Variants in AGO2 observed in about 807,000 individuals in gnomAD.
AGO2 encodes the protein argonaute RISC catalytic component 2.
AGO2 carries 5 observed loss-of-function variants against 102.3 expected under a neutral mutation model. The observed-to-expected ratio is 0.05, with a 90% CI of 0.03 to 0.10. The LOEUF (loss-of-function observed/expected upper bound fraction) is 0.10. Among genes scored for constraint, AGO2 ranks in the 10% least tolerant of loss-of-function variants. The pLI is 1.00. For missense variants in AGO2, 541 were observed against 1,183.7 expected, an observed-to-expected ratio of 0.46 and a Z score of 7.97; for synonymous variants, 449 against 473.1, an observed-to-expected ratio of 0.95 and a Z score of 0.66.
intron 11 of AGO2, among the ~76,000 whole-genome samples, chr8:140,550,938 C>T (rs1235940783): frequency 6.6e-6 from 1 of 152,202 alleles, no homozygotes; most frequent in African/African-American, 2.4e-5. Flanking sequence ...TTCTAATTTA[C>T]ACAAATATGG....
chr8:140,563,699 C>T (rs529666763), intron 3 of AGO2, among the ~76,000 whole-genome samples: 1 of 152,248 alleles, frequency 6.6e-6, no homozygotes, highest in Non-Finnish European at 1.5e-5. Flanking sequence ...CCTCTCCTAG[C>T]CTGCCCAGGG....
At chr8:140,573,345 ATT>A (rs908118086) in intron 2 of AGO2, among the ~76,000 whole-genome samples, 3 of 140,394 alleles carry the variant, frequency 2.1e-5, no homozygotes, top group Admixed American at 7.1e-5. Context: ...AATTTTTTGT[ATT>A]TTTTTTTTTT....
intron 16 of AGO2, among the ~76,000 whole-genome samples, chr8:140,538,994 C>G (rs1157019979): frequency 1.3e-5 from 2 of 152,038 alleles, no homozygotes; most frequent in Non-Finnish European, 2.9e-5. Context: ...TCCTAGCTAC[C>G]AGGGAGGCTG....
At chr8:140,568,338 A>G (rs1305241228) in intron 3 of AGO2, among the ~76,000 whole-genome samples, 1 of 151,232 alleles carries the variant, frequency 6.6e-6, no homozygotes, top group Non-Finnish European at 1.5e-5. Flanking sequence ...AGCCAGGGAA[A>G]AGGCACAGAG....
intron 1 of AGO2, among the ~76,000 whole-genome samples, chr8:140,598,902 C>G (rs534140511): frequency 6.6e-6 from 1 of 152,216 alleles, no homozygotes; most frequent in Non-Finnish European, 1.5e-5. Context: ...CCTCCCCATG[C>G]GTTTTCCTGC....
intron 1 of AGO2, among the ~76,000 whole-genome samples, chr8:140,600,678 G>A (rs1407143693): frequency 1.4e-5 from 2 of 140,128 alleles, no homozygotes; most frequent in Admixed American, 6.9e-5. Context: ...GAAACTCCGT[G>A]TCAAAAAAAA....
At position 140,595,994 on chromosome 8, in the gene AGO2, T is replaced by C. The variant is rs931293162; in HGVS notation, c.23-10683A>G. Among the ~76,000 whole-genome samples the C allele has an allele frequency of 8.4e-4, 110 of 130,274 alleles. 2 individuals are homozygous for C. Among genetic ancestry groups the C allele is most frequent in the Non-Finnish European group, 1.5e-3 (96 of 64,014 alleles). The allele number at this position is 130,274 out of a possible 152,430, so 85.5% of individuals were successfully genotyped here. A position where few individuals can be genotyped will look rare whatever the true frequency, so the allele number is the denominator to read the frequency against. On this transcript the variant is annotated intron_variant, in intron 1 of 18. Coordinates refer to ENST00000220592, the MANE Select transcript of AGO2 (RefSeq NM_012154.5). Reference sequence around the variant, plus strand: ...TATATATATTATATAATATATATATTATATATATATACACACACACACATA... The same window carrying C: ...TATATATATTATATAATATATATATCATATATATATACACACACACACATA...
At chr8:140,599,235 T>C (rs2073893655) in intron 1 of AGO2, among the ~76,000 whole-genome samples, 1 of 152,228 alleles carries the variant, frequency 6.6e-6, no homozygotes, top group South Asian at 2.1e-4. Flanking sequence ...AGATGTGCGC[T>C]GAGCGTCCGT....
In AGO2 at chr8:140,628,811, C is replaced by T. The variant is rs538801183; in HGVS notation, c.22+6674G>A. Among the ~76,000 whole-genome samples the T allele has an allele frequency of 1.6e-3, 237 of 145,518 alleles. 2 individuals are homozygous for T. Among genetic ancestry groups the T allele is most frequent in the Middle Eastern group, 8.8e-3 (2 of 228 alleles). On this transcript the variant is annotated intron_variant, in intron 1 of 18. Transcript: ENST00000220592. Reference sequence around the variant, plus strand: ...ACAACAATAATAATAATAGGCCGGGCGCGGTGGCTCACACCTGTAATCCCA... The same window carrying T: ...ACAACAATAATAATAATAGGCCGGGTGCGGTGGCTCACACCTGTAATCCCA...
chr8:140,612,770 G>T (rs976116489), intron 1 of AGO2, among the ~76,000 whole-genome samples: 2 of 151,614 alleles, frequency 1.3e-5, no homozygotes, highest in African/African-American at 4.9e-5. Context: ...AAAACAAAAT[G>T]AAACTACTGT....
At chr8:140,603,999 G>C (rs1055515310) in intron 1 of AGO2, among the ~76,000 whole-genome samples, 4 of 152,232 alleles carry the variant, frequency 2.6e-5, no homozygotes, top group Admixed American at 6.5e-5. Context: ...GCTGCATGGA[G>C]TGGTCCCATC....
At chr8:140,612,965 C>T (rs760237043) in intron 1 of AGO2, among the ~76,000 whole-genome samples, 13 of 151,852 alleles carry the variant, frequency 8.6e-5, no homozygotes, top group East Asian at 3.9e-4. Context: ...TTTGGGAGGC[C>T]GAGGTGGGCA....
At chr8:140,561,263 T>C (rs980210718) in intron 4 of AGO2, among the ~76,000 whole-genome samples, 2 of 152,244 alleles carry the variant, frequency 1.3e-5, no homozygotes, top group Non-Finnish European at 2.9e-5. Context: ...GAAAACACGC[T>C]GTGAGCCTCG....
intron 1 of AGO2, among the ~76,000 whole-genome samples, chr8:140,607,660 T>C (rs2074022060): frequency 6.6e-6 from 1 of 151,858 alleles, no homozygotes; most frequent in Admixed American, 6.6e-5. Flanking sequence ...CTTTAGAGCA[T>C]TGTTAGGCGA....
chr8:140,627,505 G>A (rs1301635014), intron 1 of AGO2, among the ~76,000 whole-genome samples: 3 of 152,314 alleles, frequency 2.0e-5, no homozygotes, highest in Middle Eastern at 6.8e-3. Flanking sequence ...CAGAAATGAC[G>A]TGGAAAACAA....
At chr8:140,595,867 TTG>T (rs1246007781) in intron 1 of AGO2, among the ~76,000 whole-genome samples, 22 of 53,228 alleles carry the variant, frequency 4.1e-4, no homozygotes, top group Non-Finnish European at 6.7e-4. Flanking sequence ...TTATATACAA[TTG>T]TATATTATAT....
rs143718252 is a variant in AGO2, at chr8:140,544,383, T to C, written c.1749-80A>G. The C allele has an allele frequency of 9.8e-4, 1,167 of 1,190,262 alleles. 6 individuals carry two copies. In the African/African-American group the frequency reaches 0.016, roughly 17 times the overall value. The allele number at this position is 1,190,262 out of a possible 1,614,324, so 73.7% of individuals were successfully genotyped here. A position where few individuals can be genotyped will look rare whatever the true frequency, so the allele number is the denominator to read the frequency against. On this transcript the variant is annotated intron_variant, in intron 13 of 18. Transcript: ENST00000220592. ...GCTAGTAGGTGCCACCATCACCTTT[T>C]GGAGGTGGTCAGTGTATCATGGTAA...
chr8:140,534,266 G>A (rs1211034078), intron 17 of AGO2, among the ~76,000 whole-genome samples: 1 of 152,242 alleles, frequency 6.6e-6, no homozygotes, highest in Non-Finnish European at 1.5e-5. Flanking sequence ...CACCAGAGAA[G>A]CATCCCCCGT....
At chr8:140,599,797 C>T (rs2073905551) in intron 1 of AGO2, among the ~76,000 whole-genome samples, 1 of 152,234 alleles carries the variant, frequency 6.6e-6, no homozygotes, top group Non-Finnish European at 1.5e-5. Context: ...TCTCGGCTCA[C>T]TGCAACCTCT....
Sources: gnomAD v4.1 joint callset for allele counts (sites outside exome capture counted in the v4.1 genomes callset) on GRCh38, gnomAD v4.1.1 for gene constraint, MANE v1.5 for transcripts, NCBI Gene and HGNC (gene_info 2026-07-23, HGNC 2026-07-21) for gene names.